HLCS: variants seen among roughly 807,000 people sequenced by gnomAD.
HLCS encodes holocarboxylase synthetase.
A neutral mutation model predicts 75.0 loss-of-function variants in HLCS; 53 were observed. The observed-to-expected ratio is 0.71, with a 90% CI of 0.57 to 0.89. HLCS has a LOEUF of 0.89. Ranked by LOEUF, HLCS falls within the 40% of genes least tolerant of loss-of-function variation. The pLI is 0.00. For synonymous variants in HLCS, 431 were observed against 428.6 expected, an observed-to-expected ratio of 1.01 and a Z score of -0.07; for missense variants, 966 against 1,074.0, an observed-to-expected ratio of 0.90 and a Z score of 1.41.
intron 6 of HLCS, among the ~76,000 whole-genome samples, chr21:36,876,708 AAAC>A (rs1463041182): frequency 1.3e-5 from 2 of 152,318 alleles, no homozygotes; most frequent in Admixed American, 6.5e-5. Context: ...AGCACACTTG[AAAC>A]AAGGTGAGTT....
intron 6 of HLCS, among the ~76,000 whole-genome samples, chr21:36,810,536 C>A (rs980214791): frequency 6.6e-6 from 1 of 152,212 alleles, no homozygotes; most frequent in Non-Finnish European, 1.5e-5. Context: ...CAACGAGGTT[C>A]TCCCACCATA....
intron 10 of HLCS, among the ~76,000 whole-genome samples, chr21:36,756,296 G>A (rs2089580654): frequency 6.6e-6 from 1 of 151,790 alleles, no homozygotes; most frequent in Non-Finnish European, 1.5e-5. Flanking sequence ...AAATTAGCCG[G>A]GTGTGGCGGC....
intron 6 of HLCS, among the ~76,000 whole-genome samples, chr21:36,858,527 G>A (rs754473392): frequency 7.9e-5 from 12 of 152,354 alleles, no homozygotes; most frequent in African/African-American, 1.2e-4. Flanking sequence ...AATATTTACC[G>A]TGCCTCTGTG....
chr21:36,857,088 A>G (rs2063221273), intron 6 of HLCS, among the ~76,000 whole-genome samples: 1 of 152,256 alleles, frequency 6.6e-6, no homozygotes, highest in Non-Finnish European at 1.5e-5. Context: ...ATGCAAAGCA[A>G]TAAATGCCTC....
At chr21:36,785,106 C>A (rs1390654412) in intron 6 of HLCS, among the ~76,000 whole-genome samples, 1 of 152,070 alleles carries the variant, frequency 6.6e-6, no homozygotes, top group Non-Finnish European at 1.5e-5. Context: ...TGCCAGCTGG[C>A]CTGAAAACCA....
intron 6 of HLCS, among the ~76,000 whole-genome samples, chr21:36,850,350 C>A (rs2062949487): frequency 6.6e-6 from 1 of 152,254 alleles, no homozygotes; most frequent in African/African-American, 2.4e-5. Context: ...GCTCACCTGT[C>A]TGGCCCTGTG....
At chr21:36,946,793 C>A (rs1284748643) in intron 2 of HLCS, among the ~76,000 whole-genome samples, 2 of 152,316 alleles carry the variant, frequency 1.3e-5, no homozygotes, top group African/African-American at 4.8e-5. Flanking sequence ...ACCTACTTCT[C>A]CCACCTCCTC....
intron 6 of HLCS, among the ~76,000 whole-genome samples, chr21:36,820,255 G>A (rs558748770): frequency 6.6e-6 from 1 of 152,378 alleles, no homozygotes; most frequent in Non-Finnish European, 1.5e-5. Context: ...CATGGTTGAG[G>A]CTGCACCTCT....
At chr21:36,806,277 G>T (rs1245724056) in intron 6 of HLCS, 1 of 152,404 alleles carries the variant, frequency 6.6e-6, no homozygotes, top group Non-Finnish European at 1.5e-5. Flanking sequence ...GGAGGGCTTG[G>T]AGCTAGGAGA....
intron 6 of HLCS, among the ~76,000 whole-genome samples, chr21:36,834,488 G>A (rs764481182): frequency 2.6e-4 from 40 of 152,312 alleles, no homozygotes; most frequent in Admixed American, 1.0e-3. Context: ...AGGGGTGGCC[G>A]AGCCTGACAC....
At chr21:36,871,371 T>C (rs984160870) in intron 6 of HLCS, among the ~76,000 whole-genome samples, 18 of 152,150 alleles carry the variant, frequency 1.2e-4, no homozygotes, top group Admixed American at 1.1e-3. Flanking sequence ...AACTTTATAC[T>C]TTTTATATAA....
upstream of HLCS, among the ~76,000 whole-genome samples, chr21:36,970,255 CA>C (rs1448204375): frequency 1.3e-5 from 2 of 152,146 alleles, no homozygotes; most frequent in African/African-American, 4.8e-5. Flanking sequence ...GTTTTTGAGA[CA>C]GGGTCTTGCT....
intron 1 of HLCS, among the ~76,000 whole-genome samples, chr21:36,981,395 C>CTTTTTTTTTT (rs11328067): frequency 3.3e-5 from 3 of 91,280 alleles, no homozygotes; most frequent in Non-Finnish European, 4.0e-5. Flanking sequence ...CTTAACCTTC[C>CTTTTTTTTTT]TTTTTTTTTT....
chr21:36,858,403 T>A (rs910976707), intron 6 of HLCS, among the ~76,000 whole-genome samples: 4 of 152,162 alleles, frequency 2.6e-5, no homozygotes, highest in Non-Finnish European at 2.9e-5. Context: ...AGAGATGCCA[T>A]GACTGATAAA....
At chr21:36,949,615 C>T (rs1174895008) in intron 2 of HLCS, among the ~76,000 whole-genome samples, 1 of 152,212 alleles carries the variant, frequency 6.6e-6, no homozygotes, top group African/African-American at 2.4e-5. Flanking sequence ...CTCCACCTCT[C>T]AATAGGAGGA....
intron 5 of HLCS, among the ~76,000 whole-genome samples, chr21:36,914,939 T>C (rs2065867352): frequency 6.6e-6 from 1 of 152,232 alleles, no homozygotes; most frequent in Non-Finnish European, 1.5e-5. Flanking sequence ...GTGGAGGGCA[T>C]GGAAAACGCT....
At chr21:36,824,779 G>A (rs888472755) in intron 6 of HLCS, among the ~76,000 whole-genome samples, 2 of 152,098 alleles carry the variant, frequency 1.3e-5, no homozygotes, top group Non-Finnish European at 1.5e-5. Context: ...TGAAGAACAC[G>A]CCAACTTTCC....
In HLCS at chr21:36,868,274, G is replaced by GGAAGGAAAGAAAGAAA. The variant is rs886275509; in HGVS notation, c.1892+28585_1892+28586insTTTCTTTCTTTCCTTC. On this transcript the variant is annotated intron_variant, in intron 6 of 10. Transcript: ENST00000674895. ...AAGAAAGAGAGAAGGAAGGAAGGAA[G>GGAAGGAAAGAAAGAAA]GAAAGAAAGAAAGAAAGAAAAAGAA... 1.7e-3 allele frequency among the ~76,000 whole-genome samples: 226 copies of GGAAGGAAAGAAAGAAA among 135,440 alleles called. 2 individuals are homozygous for GGAAGGAAAGAAAGAAA. Among genetic ancestry groups the GGAAGGAAAGAAAGAAA allele is most frequent in the Admixed American group, 2.4e-3 (33 of 13,654 alleles). The allele number at this position is 135,440 out of a possible 152,430, so 88.9% of individuals were successfully genotyped here.
At chr21:36,955,846 T>C (rs2067912662) in intron 2 of HLCS, among the ~76,000 whole-genome samples, 1 of 152,224 alleles carries the variant, frequency 6.6e-6, no homozygotes, top group South Asian at 2.1e-4. Flanking sequence ...TACTGTTTTT[T>C]ATCTTTTATA....
Sources: gnomAD v4.1 joint callset for allele counts (sites outside exome capture counted in the v4.1 genomes callset) on GRCh38, gnomAD v4.1.1 for gene constraint, MANE v1.5 for transcripts, NCBI Gene and HGNC (gene_info 2026-07-23, HGNC 2026-07-21) for gene names.